RASGEF1C: variants seen among roughly 807,000 people sequenced by gnomAD.
RASGEF1C encodes the protein ras-GEF domain-containing family member 1C.
RASGEF1C carries 27 observed loss-of-function variants against 58.1 expected under a neutral mutation model. The ratio of observed to expected loss-of-function variants is 0.46; its 90% confidence interval spans 0.34 to 0.64. RASGEF1C has a LOEUF of 0.64. Among genes scored for constraint, RASGEF1C ranks in the 30% least tolerant of loss-of-function variants. The pLI is 0.01. For missense variants in RASGEF1C, 502 were observed against 605.1 expected (o/e 0.83, Z 1.79); for synonymous variants, 243 against 246.3 (o/e 0.99, Z 0.13).
rs1756301816 is a variant in RASGEF1C at position 180,197,582 on chromosome 5, C to T, written c.-7+11446G>A. ...TGTCAACCGCACAAACCCCAGACAG[C>T]AGGCTGAGCTCAAGGCCCACACTGG... On this transcript the variant is annotated intron_variant, in intron 1 of 13. Coordinates refer to ENST00000361132, the MANE Select transcript of RASGEF1C (RefSeq NM_175062.4). This position sits in a 1 kb window ranked among gnomAD's most constrained non-coding sequence, Gnocchi z 4.7. 6.6e-6 allele frequency among the ~76,000 whole-genome samples: 1 copy of T among 152,200 alleles called. No homozygotes were observed. Among genetic ancestry groups the T allele is most frequent in the African/African-American group, 2.4e-5 (1 of 41,446 alleles).
chr5:180,127,796 G>A, intron 5 of RASGEF1C, 113 bp from the exon 6 acceptor site: 1 of 933,168 alleles, frequency 1.1e-6, no homozygotes, highest in African/African-American at 1.7e-5. Flanking sequence ...CAGTCACTCT[G>A]CAACTGCCCT....
At chr5:180,188,229 G>A (rs1212556695) in intron 1 of RASGEF1C, among the ~76,000 whole-genome samples, 3 of 152,148 alleles carry the variant, frequency 2.0e-5, no homozygotes, top group East Asian at 1.9e-4. Context: ...CGCTTGACAC[G>A]AAAGGCCACA....
intron 11 of RASGEF1C, among the ~76,000 whole-genome samples, chr5:180,113,337 AGGGACCG>A (rs2113244374): frequency 4.6e-5 from 2 of 43,634 alleles, no homozygotes; most frequent in South Asian, 2.5e-3. Context: ...GGATGGACGG[AGGGACCG>A]GGGATGGACT....
rs10062466 is a variant in RASGEF1C at position 180,160,877 on chromosome 5, G to A, written c.-6-22819C>T. 8.5e-3 allele frequency among the ~76,000 whole-genome samples: 1,288 copies of A among 152,274 alleles called. 27 individuals are homozygous for A. The highest frequency in any genetic ancestry group is 0.029 in the African/African-American group (1,212 of 41,566). ...TTCCTCCGAATGCTGATTTTTGCACGCACCTTTAGAGCATCTGTGTTTACA... is the reference window on the plus strand; with the variant it reads ...TTCCTCCGAATGCTGATTTTTGCACACACCTTTAGAGCATCTGTGTTTACA... On this transcript the variant is annotated intron_variant, in intron 1 of 13. Transcript: ENST00000361132.
chr5:180,170,059 A>T (rs62406106), intron 1 of RASGEF1C, among the ~76,000 whole-genome samples: 63,944 of 152,072 alleles, frequency 0.42, 14,861 homozygotes, highest in Non-Finnish European at 0.53. Context: ...ATCCAAATCC[A>T]TGTGTCTCCC....
chr5:180,111,968 A>C (rs1020580546), intron 11 of RASGEF1C, among the ~76,000 whole-genome samples: 5 of 152,194 alleles, frequency 3.3e-5, no homozygotes, highest in African/African-American at 1.2e-4. Flanking sequence ...GCCAACTTTA[A>C]ATAAAGAGCA....
chr5:180,134,746 C>CA (rs1486808171), intron 4 of RASGEF1C, among the ~76,000 whole-genome samples: 1 of 141,196 alleles, frequency 7.1e-6, no homozygotes, highest in African/African-American at 2.6e-5. Context: ...TCTCTTCACC[C>CA]AGCTGCTATC....
Position 180,118,717 on chromosome 5 carries a change from A to G in RASGEF1C, c.988-13T>C. On this transcript the variant is annotated splice_polypyrimidine_tract_variant and intron_variant, in intron 9 of 13. Transcript: ENST00000361132. ...GGTCCATCTGGTGCTGGAAGGAGAC[A>G]GGGAGGCATGTGGGCAGTTCTGTCC... The G allele has an allele frequency of 6.2e-7, 1 of 1,614,160 alleles. No individual in the cohort carries two copies. The highest frequency in any genetic ancestry group is 8.5e-7 in the Non-Finnish European group (1 of 1,179,980).
At chr5:180,190,444 C>T (rs368080462) in intron 1 of RASGEF1C, among the ~76,000 whole-genome samples, 21 of 130,466 alleles carry the variant, frequency 1.6e-4, no homozygotes, top group Admixed American at 6.4e-4. Flanking sequence ...GAGCTGAGAT[C>T]GCGCCACTGC....
At chr5:180,133,400 G>A (rs1457517200) in intron 4 of RASGEF1C, among the ~76,000 whole-genome samples, 4 of 152,136 alleles carry the variant, frequency 2.6e-5, no homozygotes, top group Non-Finnish European at 5.9e-5. Context: ...GCCCACTGCT[G>A]TCTCCTCTGC....
At chr5:180,103,267 TG>T (rs1765824151) in intron 12 of RASGEF1C, among the ~76,000 whole-genome samples, 1 of 151,864 alleles carries the variant, frequency 6.6e-6, no homozygotes, top group Non-Finnish European at 1.5e-5. Flanking sequence ...TTAGTAGAGA[TG>T]GGGTTTCACC....
At chr5:180,144,504 T>C (rs147935925) in intron 1 of RASGEF1C, among the ~76,000 whole-genome samples, 1,661 of 152,260 alleles carry the variant, frequency 0.011, 11 homozygotes, top group Non-Finnish European at 0.018. Context: ...GTTGACGTAA[T>C]GTCACACACC....
chr5:180,129,776 C>T (rs567498776), intron 4 of RASGEF1C, among the ~76,000 whole-genome samples: 3 of 152,238 alleles, frequency 2.0e-5, no homozygotes, highest in East Asian at 3.8e-4. Flanking sequence ...CCCAGGCCGG[C>T]TCCTGGCTGT....
In RASGEF1C at chr5:180,137,563, G is replaced by T; in HGVS notation, c.300+27C>A. ...GCAGGGCAGTGCTGGTACACTCTGA[G>T]ACCCCCTGGCCTGCCCTCCGCCTCA... is the stretch of plus-strand genomic sequence containing the variant. On this transcript the variant is annotated intron_variant, in intron 3 of 13. Coordinates refer to ENST00000361132, the MANE Select transcript of RASGEF1C (RefSeq NM_175062.4). The surrounding 1 kb of genome is among the most constrained non-coding windows in gnomAD (Gnocchi z 4.1). The T allele has an allele frequency of 1.2e-6, 2 of 1,600,444 alleles. No homozygotes were observed. Among genetic ancestry groups the T allele is most frequent in the Admixed American group, 1.7e-5 (1 of 58,340 alleles).
chr5:180,201,795 A>C (rs1050819843), intron 1 of RASGEF1C, among the ~76,000 whole-genome samples: 3 of 152,208 alleles, frequency 2.0e-5, no homozygotes, highest in Non-Finnish European at 4.4e-5. Flanking sequence ...GTGCCCTTAG[A>C]AAAGAGGATC....
intron 1 of RASGEF1C, among the ~76,000 whole-genome samples, chr5:180,163,230 AC>A: frequency 4.7e-5 from 1 of 21,152 alleles, no homozygotes; most frequent in Non-Finnish European, 1.1e-4. Flanking sequence ...CCACCCCCTC[AC>A]TTTTTTTTTT....
rs970074657 is a variant in RASGEF1C at position 180,197,242 on chromosome 5, C to T, written c.-7+11786G>A. 6.6e-6 allele frequency among the ~76,000 whole-genome samples: 1 copy of T among 152,222 alleles called. No individual in the cohort carries two copies. Among genetic ancestry groups the T allele is most frequent in the Non-Finnish European group, 1.5e-5 (1 of 68,036 alleles). On this transcript the variant is annotated intron_variant, in intron 1 of 13. Transcript: ENST00000361132. This position sits in a 1 kb window ranked among gnomAD's most constrained non-coding sequence, Gnocchi z 4.7. ...CTGCCTTGCCTCCCTCAGCCACACACCTGTGAATCACTCAACAATGGCTGG... is the reference window on the plus strand; with the variant it reads ...CTGCCTTGCCTCCCTCAGCCACACATCTGTGAATCACTCAACAATGGCTGG...
At chr5:180,119,952 C>T (rs1290196908) in intron 7 of RASGEF1C, among the ~76,000 whole-genome samples, 1 of 152,152 alleles carries the variant, frequency 6.6e-6, no homozygotes, top group Non-Finnish European at 1.5e-5. Context: ...CTGTGATGCG[C>T]AGAACCACAC....
rs1766109246 is a variant in RASGEF1C, at chr5:180,118,549, C to G, written c.1083+60G>C. ...GGGCAGGAGCTGCAGCAAGTGAACT[C>G]TGAGCCAGCACCCAGGTTCCCTGCT... is the stretch of plus-strand genomic sequence containing the variant. On this transcript the variant is annotated intron_variant, in intron 10 of 13. Coordinates refer to ENST00000361132, the MANE Select transcript of RASGEF1C (RefSeq NM_175062.4). 4 of 1,453,274 alleles carry G rather than the reference C, an allele frequency of 2.8e-6. No individual in the cohort carries two copies. In the East Asian group the frequency reaches 9.1e-5, roughly 33 times the overall value. The allele number at this position is 1,453,274 out of a possible 1,614,324, so 90.0% of individuals were successfully genotyped here. A position where few individuals can be genotyped will look rare whatever the true frequency, so the allele number is the denominator to read the frequency against.
Sources: gnomAD v4.1 joint callset for allele counts (sites outside exome capture counted in the v4.1 genomes callset) on GRCh38, gnomAD v4.1.1 for gene constraint, Gnocchi (gnomAD v3.1) non-coding constraint, MANE v1.5 for transcripts, NCBI Gene and HGNC (gene_info 2026-07-23, HGNC 2026-07-21) for gene names.